The following TOM1L1 variants were observed in gnomAD, a reference collection of about 807,000 sequenced individuals.
TOM1L1 encodes the protein target of myb1 like 1 membrane trafficking protein, also known as TOM1-like protein 1.
In TOM1L1, 64 loss-of-function variants were observed where a neutral mutation model predicts 63.4. That is an observed-to-expected ratio of 1.01 (90% CI 0.83 to 1.24). The LOEUF (loss-of-function observed/expected upper bound fraction) is 1.24, where lower values mean the gene tolerates loss of function less well. Ranked by LOEUF, TOM1L1 falls within the 50% of genes most tolerant of loss-of-function variation. The pLI, the probability that TOM1L1 is intolerant of heterozygous loss-of-function variation, is 0.00. For missense variants in TOM1L1, 536 were observed against 567.0 expected (o/e 0.95, Z 0.55); for synonymous variants, 166 against 194.4 (o/e 0.85, Z 1.22).
chr17:54,932,338 A>C (rs1406263275), intron 8 of TOM1L1, among the ~76,000 whole-genome samples: 3 of 152,164 alleles, frequency 2.0e-5, no homozygotes, highest in Non-Finnish European at 4.4e-5. Context: ...GGATTTTCAC[A>C]GTGCTTTTCT....
intron 14 of TOM1L1, among the ~76,000 whole-genome samples, chr17:54,958,763 C>G (rs1385514803): frequency 1.5e-5 from 2 of 130,556 alleles, no homozygotes; most frequent in African/African-American, 2.7e-5. Context: ...TTGTTGGTAG[C>G]TAGAGGATAC....
intron 10 of TOM1L1, 109 bp from the exon 11 acceptor site, chr17:54,938,815 T>C: frequency 1.9e-6 from 1 of 514,928 alleles, no homozygotes; most frequent in Non-Finnish European, 3.3e-6. Flanking sequence ...TGGGTTTTTC[T>C]TTTTTTTTTC....
At chr17:54,926,847 A>G (rs544152441) in intron 7 of TOM1L1, among the ~76,000 whole-genome samples, 14 of 152,306 alleles carry the variant, frequency 9.2e-5, no homozygotes, top group African/African-American at 3.4e-4. Flanking sequence ...CTGGAAGGAG[A>G]ACTTCTTTCT....
intron 12 of TOM1L1, 140 bp downstream of exon 12, chr17:54,947,452 CA>C (rs2049139351): frequency 1.2e-5 from 11 of 942,756 alleles, no homozygotes; most frequent in Non-Finnish European, 1.8e-5. Context: ...TGGTAAGGAT[CA>C]AAATTTTTTT....
rs371652402 is a variant in TOM1L1 at position 54,947,381 on chromosome 17, T to C, written c.1182+69T>C. On this transcript the variant is annotated intron_variant, in intron 12 of 15. Transcript: ENST00000575882. ...ATTATTGTAGCCAGAAAAGAACTCA[T>C]GGTCATTAATTCCCATGTTCTGCTC... The C allele has an allele frequency of 1.0e-4, 157 of 1,500,888 alleles. 1 individual carries two copies. The African/African-American group carries it at 1.9e-3, about 18-fold the overall frequency. 93.0% of individuals were successfully genotyped at this position (1,500,888 alleles called of 1,614,324 possible).
chr17:54,912,027 A>G (rs909367666), intron 3 of TOM1L1, among the ~76,000 whole-genome samples: 2 of 152,196 alleles, frequency 1.3e-5, no homozygotes, highest in African/African-American at 4.8e-5. Flanking sequence ...AGACCAGAAT[A>G]CTTATCTCCC....
intron 8 of TOM1L1, among the ~76,000 whole-genome samples, chr17:54,932,156 C>T (rs1435703076): frequency 3.9e-5 from 6 of 151,946 alleles, no homozygotes; most frequent in African/African-American, 1.5e-4. Context: ...GGGGCATTGG[C>T]AAGACTCCTG....
chr17:54,949,466 A>G, intron 12 of TOM1L1, 52 bp from the exon 13 acceptor site: 1 of 785,750 alleles, frequency 1.3e-6, no homozygotes, highest in Non-Finnish European at 2.0e-6. Context: ...CAGTAATAAA[A>G]GAAAAGCTTA....
intron 3 of TOM1L1, 24 bp from the exon 4 acceptor site, chr17:54,912,642 T>C (rs1383954474): frequency 1.5e-5 from 23 of 1,498,186 alleles, no homozygotes; most frequent in Non-Finnish European, 2.0e-5. Flanking sequence ...ATAAATATAA[T>C]GTTTAATTTT....
At chr17:54,929,166 T>C (rs114789470) in intron 7 of TOM1L1, among the ~76,000 whole-genome samples, 3,715 of 152,200 alleles carry the variant, frequency 0.024, 146 homozygotes, top group African/African-American at 0.083. Context: ...CAAGGTGGGA[T>C]TGGAAATATT....
chr17:54,930,321 T>C, intron 8 of TOM1L1, 115 bp downstream of exon 8: 1 of 1,447,292 alleles, frequency 6.9e-7, no homozygotes, highest in Non-Finnish European at 9.5e-7. Flanking sequence ...TTCTCCATTC[T>C]CAATAGGAAA....
intron 7 of TOM1L1, among the ~76,000 whole-genome samples, chr17:54,924,584 C>T (rs1469472186): frequency 6.6e-6 from 1 of 152,190 alleles, no homozygotes; most frequent in Non-Finnish European, 1.5e-5. Context: ...TAGCCACCGT[C>T]CTATCACATC....
At chr17:54,921,984 A>G (rs1174250554) in intron 7 of TOM1L1, among the ~76,000 whole-genome samples, 1 of 152,192 alleles carries the variant, frequency 6.6e-6, no homozygotes, top group Admixed American at 6.5e-5. Context: ...AAGCTAGAGA[A>G]AAGAAAATGT....
chr17:54,945,532 G>A (rs1225569528), intron 11 of TOM1L1, among the ~76,000 whole-genome samples: 1 of 152,140 alleles, frequency 6.6e-6, no homozygotes, highest in African/African-American at 2.4e-5. Flanking sequence ...TCTCATAGGT[G>A]TTTGGGGTCC....
intron 10 of TOM1L1, chr17:54,938,131 T>C (rs934932572): frequency 3.9e-5 from 6 of 152,196 alleles, no homozygotes; most frequent in Non-Finnish European, 8.8e-5. Context: ...TGGAGAGTTT[T>C]CCTGAGTTTT....
At chr17:54,925,837 A>G (rs554384312) in intron 7 of TOM1L1, among the ~76,000 whole-genome samples, 4 of 152,108 alleles carry the variant, frequency 2.6e-5, no homozygotes, top group African/African-American at 9.6e-5. Flanking sequence ...CCGGGAGGCA[A>G]AGTTGCAGTG....
intron 3 of TOM1L1, among the ~76,000 whole-genome samples, chr17:54,908,154 G>C (rs1220734156): frequency 1.3e-5 from 2 of 152,120 alleles, no homozygotes; most frequent in Non-Finnish European, 2.9e-5. Flanking sequence ...TAAAGCCTGT[G>C]CCTAAAAACA....
Position 54,938,161 on chromosome 17 carries a change from G to C in TOM1L1, c.1034-763G>C, listed in dbSNP as rs193034999. On this transcript the variant is annotated intron_variant, in intron 10 of 15. Coordinates refer to ENST00000575882, the MANE Select transcript of TOM1L1 (RefSeq NM_005486.3). The stretch of plus-strand genomic sequence containing the variant: ...AGTTTTTAATTGAGAATTTTCAGAG[G>C]GGGAGGGAATTATTCCCTTTGGGGT... 4.6e-5 allele frequency: 7 copies of C among 152,304 alleles called. 1 individual carries two copies. The East Asian group carries it at 1.2e-3, about 25-fold the overall frequency. The allele number at this position is 152,304 out of a possible 1,614,324, so 9.4% of individuals were successfully genotyped here.
intron 8 of TOM1L1, among the ~76,000 whole-genome samples, chr17:54,931,949 G>GT (rs10632110): frequency 0.04 from 4,885 of 121,290 alleles, 326 homozygotes; most frequent in African/African-American, 0.15. Context: ...TTTTTTCTTC[G>GT]TTTTTTTTTT....
Sources: allele counts gnomAD v4.1 joint callset (sites outside exome capture counted in the v4.1 genomes callset), GRCh38; gene constraint gnomAD v4.1.1; transcripts MANE v1.5; gene names NCBI Gene and HGNC (gene_info 2026-07-23, HGNC 2026-07-21).